The following ALS2 variants were observed in gnomAD, a reference collection of about 807,000 sequenced individuals.
ALS2 encodes the protein alsin.
In ALS2, 117 loss-of-function variants were observed where a neutral mutation model predicts 203.4. That is an observed-to-expected ratio of 0.58 (90% CI 0.50 to 0.67). The LOEUF (loss-of-function observed/expected upper bound fraction) is 0.67. ALS2 is among the 30% of genes least tolerant of loss of function. The pLI, the probability that ALS2 is intolerant of heterozygous loss-of-function variation, is 0.00. For synonymous variants in ALS2, 718 were observed against 725.9 expected (o/e 0.99, Z 0.17); for missense variants, 1,715 against 1,989.4 (o/e 0.86, Z 2.62).
At chr2:201,724,563 C>T in intron 20 of ALS2, 104 bp from the exon 21 acceptor site, 1 of 1,149,610 alleles carries the variant, frequency 8.7e-7, no homozygotes, top group Non-Finnish European at 1.3e-6. Context: ...TCACTGGTAG[C>T]TATAATTATT....
At chr2:201,707,556 C>T (rs984791504) in intron 28 of ALS2, among the ~76,000 whole-genome samples, 2 of 151,858 alleles carry the variant, frequency 1.3e-5, no homozygotes, top group Admixed American at 6.6e-5. Flanking sequence ...CAGCCTCCCA[C>T]GTAGCTGAAC....
chr2:201,772,850 ATTTTTTTT>A (rs578253808), intron 1 of ALS2, among the ~76,000 whole-genome samples: 2 of 108,846 alleles, frequency 1.8e-5, no homozygotes, highest in African/African-American at 7.2e-5. Flanking sequence ...TGCTTTCATG[ATTTTTTTT>A]TTTTTTTTTT....
intron 5 of ALS2, among the ~76,000 whole-genome samples, chr2:201,756,795 G>A (rs900176343): frequency 6.6e-6 from 1 of 152,158 alleles, no homozygotes; most frequent in African/African-American, 2.4e-5. Flanking sequence ...TTGCTCTAAT[G>A]CATGTTTTGA....
In ALS2 at chr2:201,718,099, C is replaced by T. The variant is rs200697299; in HGVS notation, c.3814G>A (p.Asp1272Asn). The T allele has an allele frequency of 2.5e-5, 41 of 1,613,576 alleles. No individual in the cohort carries two copies. The highest frequency in any genetic ancestry group is 3.4e-5 in the Non-Finnish European group (40 of 1,179,578). ...TYFKPSLYES[D>N]KDRPKVFRKL... ...CACAAAACTTTAGGTCTGTCTTTAT[C>T]ACTCTCATATAGACTAGGTTTGAAG... Residue 1272 changes from aspartate to asparagine, a missense_variant, in exon 24 of 34, where the codon GAT becomes AAT. Asp to Asn is a conservative substitution (Grantham distance 23). Coordinates refer to ENST00000264276, the MANE Select transcript of ALS2 (RefSeq NM_020919.4).
chr2:201,726,763 G>A lies in ALS2; in HGVS notation c.3083C>T (p.Pro1028Leu), dbSNP rs1408974575. 6.2e-7 allele frequency: 1 copy of A among 1,613,994 alleles called. No homozygotes were observed. The highest frequency in any genetic ancestry group is 1.3e-5 in the African/African-American group (1 of 74,902). ...ATATTTGGCACTGCGTGAAATGGGT[G>A]GTTCCTGTCTCTGAACACTGCTACC... is the stretch of plus-strand genomic sequence containing the variant. Reference protein sequence around the residue: ...GSGSSVQRQEPPISRSAKYTF... With the variant: ...GSGSSVQRQELPISRSAKYTF... Residue 1028 changes from proline (P) to leucine (L), a missense_variant, in exon 18 of 34, where the codon CCA becomes CTA. Physicochemically the swap from Pro to Leu is moderately conservative, Grantham distance 98. This residue lies in a region of ALS2 where 1,227 missense variants were observed against 1,413.5 expected (regional missense o/e 0.87). Transcript: ENST00000264276.
Position 201,727,694 on chromosome 2 carries a change from G to GA in ALS2, c.2912+10dup, listed in dbSNP as rs761761960. 6.4e-7 allele frequency: 1 copy of GA among 1,550,682 alleles called. No individual in the cohort carries two copies. The highest frequency in any genetic ancestry group is 2.4e-5 in the East Asian group (1 of 40,908). On this transcript the variant is annotated intron_variant, in intron 16 of 33. Coordinates refer to ENST00000264276, the MANE Select transcript of ALS2 (RefSeq NM_020919.4). ...TGGACGGGGTGGGGTGGGGAGGGGGGACGCACTTACACACCACCAGCTTCT... is the reference window on the plus strand; with the variant it reads ...TGGACGGGGTGGGGTGGGGAGGGGGGAACGCACTTACACACCACCAGCTTCT...
Position 201,709,899 on chromosome 2 carries a change from C to G in ALS2, c.4262G>C (p.Arg1421Pro). The G allele has an allele frequency of 6.2e-7, 1 of 1,614,124 alleles. No homozygotes were observed. ...CTCTTACCTCACCAGCTGGAAAATTCGCTTAAGATAGGACTTAATCTCCTT... is the reference window on the plus strand; with the variant it reads ...CTCTTACCTCACCAGCTGGAAAATTGGCTTAAGATAGGACTTAATCTCCTT... ...AVKEIKSYLK[R>P]IFQLVRFLFP... Residue 1421 changes from arginine to proline, a missense_variant, in exon 27 of 34, where the codon CGA becomes CCA. Transcript: ENST00000264276.
intron 1 of ALS2, among the ~76,000 whole-genome samples, chr2:201,775,552 C>T (rs1694619605): frequency 6.6e-6 from 1 of 152,120 alleles, no homozygotes; most frequent in Non-Finnish European, 1.5e-5. Context: ...ATAATCTATA[C>T]ACCAACAACA....
intron 1 of ALS2, among the ~76,000 whole-genome samples, chr2:201,774,661 G>A (rs1212303729): frequency 2.0e-5 from 3 of 152,026 alleles, no homozygotes; most frequent in African/African-American, 4.8e-5. Context: ...AAGTCTTTTT[G>A]GCTTAATTCG....
chr2:201,770,246 T>TG (rs1694316896), intron 1 of ALS2, among the ~76,000 whole-genome samples: 1 of 152,196 alleles, frequency 6.6e-6, no homozygotes, highest in South Asian at 2.1e-4. Context: ...TACGAGGATG[T>TG]GGAAGCACAC....
intron 4 of ALS2, among the ~76,000 whole-genome samples, chr2:201,758,752 G>A (rs1006574539): frequency 3.5e-5 from 3 of 84,528 alleles, no homozygotes; most frequent in African/African-American, 9.9e-5. Flanking sequence ...TAATGTGTGT[G>A]TGTGCGCATG....
intron 16 of ALS2, 96 bp from the exon 17 acceptor site, chr2:201,727,374 G>A (rs549017388): frequency 9.2e-7 from 1 of 1,084,430 alleles, no homozygotes; most frequent in African/African-American, 1.5e-5. Flanking sequence ...TATTTCAAGA[G>A]GAACAGAAAT....
intron 1 of ALS2, among the ~76,000 whole-genome samples, chr2:201,770,960 T>G (rs764230603): frequency 6.6e-6 from 1 of 152,160 alleles, no homozygotes; most frequent in Non-Finnish European, 1.5e-5. Context: ...TTTAAGCCAC[T>G]AAGTTCATAA....
At chr2:201,735,889 T>C (rs1330793756) in intron 12 of ALS2, among the ~76,000 whole-genome samples, 1 of 152,202 alleles carries the variant, frequency 6.6e-6, no homozygotes, top group Non-Finnish European at 1.5e-5. Flanking sequence ...TTCCTGTAAT[T>C]AAACTTGCTT....
Position 201,728,492 on chromosome 2 carries a change from A to G in ALS2, c.2841+20T>C. Reference sequence around the variant, plus strand: ...GGTCCACCTTTCAGGAATTCTTTTAAGGTTAGGAATCCAGCCTACCTGGGC... The same window carrying G: ...GGTCCACCTTTCAGGAATTCTTTTAGGGTTAGGAATCCAGCCTACCTGGGC... On this transcript the variant is annotated intron_variant, in intron 15 of 33. Coordinates refer to ENST00000264276, the MANE Select transcript of ALS2 (RefSeq NM_020919.4). The G allele has an allele frequency of 6.2e-7, 1 of 1,613,948 alleles. No homozygotes were observed. Among genetic ancestry groups the G allele is most frequent in the South Asian group, 1.1e-5 (1 of 91,080 alleles).
At position 201,753,142 on chromosome 2, in the gene ALS2, C is replaced by A; in HGVS notation, c.1737+4G>T. On this transcript the variant is annotated splice_donor_region_variant and intron_variant, in intron 7 of 33. Transcript: ENST00000264276. ...GGTAAAGCATTTAATAGTTTGCCTCCTACCTGGGATTTCGCAGTAAGTGCA... is the reference window on the plus strand; with the variant it reads ...GGTAAAGCATTTAATAGTTTGCCTCATACCTGGGATTTCGCAGTAAGTGCA... The A allele has an allele frequency of 6.2e-7, 1 of 1,613,122 alleles. No homozygotes were observed. The highest frequency in any genetic ancestry group is 1.7e-5 in the Admixed American group (1 of 60,016).
chr2:201,734,890 G>T, intron 12 of ALS2, among the ~76,000 whole-genome samples: 1 of 151,976 alleles, frequency 6.6e-6, no homozygotes, highest in East Asian at 1.9e-4. Context: ...TCCTTATATG[G>T]CAAGGTCTGT....
intron 33 of ALS2, among the ~76,000 whole-genome samples, chr2:201,703,429 T>C: frequency 6.6e-6 from 1 of 152,230 alleles, no homozygotes; most frequent in South Asian, 2.1e-4. Flanking sequence ...AGCTATCCTT[T>C]CTATTTAGGT....
At chr2:201,753,345 A>G in intron 6 of ALS2, 103 bp from the exon 7 acceptor site, 2 of 905,364 alleles carry the variant, frequency 2.2e-6, no homozygotes, top group Non-Finnish European at 1.8e-6. Context: ...AAACATTTCT[A>G]AAGAAAACAT....
Sources: gnomAD v4.1 joint callset for allele counts (sites outside exome capture counted in the v4.1 genomes callset) on GRCh38, gnomAD v4.1.1 for gene constraint, gnomAD v4.1.1 regional missense constraint, MANE v1.5 for transcripts, NCBI Gene and HGNC (gene_info 2026-07-23, HGNC 2026-07-21) for gene names.